The following HSPG2 variants were observed in gnomAD, a reference collection of about 807,000 sequenced individuals.
The protein encoded by HSPG2 is basement membrane-specific heparan sulfate proteoglycan core protein.
HSPG2 carries 278 observed loss-of-function variants against 526.6 expected under a neutral mutation model. The observed-to-expected ratio is 0.53, with a 90% CI of 0.48 to 0.58. The LOEUF (loss-of-function observed/expected upper bound fraction) is 0.58, where lower values mean the gene tolerates loss of function less well. Among genes scored for constraint, HSPG2 ranks in the 20% least tolerant of loss-of-function variants. The probability of loss-of-function intolerance (pLI) is 0.00; values close to 1 mark genes in which losing one functional copy is unlikely to be tolerated. For synonymous variants in HSPG2, 2,465 were observed against 2,555.4 expected, an observed-to-expected ratio of 0.96 and a Z score of 1.07; for missense variants, 5,354 against 6,099.5, an observed-to-expected ratio of 0.88 and a Z score of 4.07.
At chr1:21,861,010 G>A (rs538541514) in intron 39 of HSPG2, among the ~76,000 whole-genome samples, 4 of 152,298 alleles carry the variant, frequency 2.6e-5, no homozygotes, top group African/African-American at 9.6e-5. Flanking sequence ...CAAGAGGATG[G>A]GACTTCTCGT....
At chr1:21,934,517 C>A (rs1199684371) in intron 1 of HSPG2, among the ~76,000 whole-genome samples, 1 of 152,152 alleles carries the variant, frequency 6.6e-6, no homozygotes, top group African/African-American at 2.4e-5. Context: ...GCCTGTCATC[C>A]CAACACTTTA....
At position 21,927,196 on chromosome 1, in the gene HSPG2, C is replaced by T. The variant is rs189538064; in HGVS notation, c.63+9959G>A. 1.2e-3 allele frequency among the ~76,000 whole-genome samples: 190 copies of T among 152,266 alleles called. 2 individuals are homozygous for T. Among genetic ancestry groups the T allele is most frequent in the Admixed American group, 0.012 (188 of 15,300 alleles). On this transcript the variant is annotated intron_variant, in intron 1 of 96. Coordinates refer to ENST00000374695, the MANE Select transcript of HSPG2 (RefSeq NM_005529.7). ...CCCAGCCAGGCCTCCCCTTCCCCACCGACTGGGATGGGAGAAAGATGGGGA... is the reference window on the plus strand; with the variant it reads ...CCCAGCCAGGCCTCCCCTTCCCCACTGACTGGGATGGGAGAAAGATGGGGA...
intron 62 of HSPG2, 88 bp from the exon 63 acceptor site, chr1:21,846,687 C>T (rs1377542500): frequency 2.1e-6 from 3 of 1,445,490 alleles, no homozygotes; most frequent in Non-Finnish European, 2.9e-6. Context: ...GAAAATCTCA[C>T]CCCCCAGAGT....
chr1:21,930,757 G>A (rs1409491306), intron 1 of HSPG2, among the ~76,000 whole-genome samples: 1 of 147,886 alleles, frequency 6.8e-6, no homozygotes, highest in Non-Finnish European at 1.5e-5. Context: ...CTGGGTAACA[G>A]ATCAAGACTC....
At chr1:21,924,762 T>C (rs1458604150) in intron 1 of HSPG2, among the ~76,000 whole-genome samples, 1 of 152,112 alleles carries the variant, frequency 6.6e-6, no homozygotes, top group East Asian at 1.9e-4. Flanking sequence ...GCGAGTGTCT[T>C]CCTGCTCTTG....
chr1:21,875,214 G>A (rs1310927865), intron 25 of HSPG2: 1 of 624,336 alleles, frequency 1.6e-6, no homozygotes, highest in East Asian at 2.7e-5. Context: ...CACCTGGAGA[G>A]GTTATACCAC....
intron 1 of HSPG2, among the ~76,000 whole-genome samples, chr1:21,920,324 C>T (rs1484011605): frequency 6.6e-6 from 1 of 152,224 alleles, no homozygotes; most frequent in Non-Finnish European, 1.5e-5. Context: ...GCCAAGTCAC[C>T]CTTCTCATGC....
At chr1:21,843,489 GC>G in intron 65 of HSPG2, 51 bp from the exon 66 acceptor site, 1 of 1,575,850 alleles carries the variant, frequency 6.3e-7, no homozygotes, top group South Asian at 1.1e-5. Context: ...GCCTTCAGAT[GC>G]CCAGGCCTCT....
At position 21,855,662 on chromosome 1, in the gene HSPG2, G is replaced by A. The variant is rs760895767; in HGVS notation, c.5715C>T (p.Gly1905=). Reference sequence around the variant, plus strand: ...GGATTTGTGCCTTCGCAGGGAGCTGGCCGCCGGGGCCCCCTGACGAGTAGA... The same window carrying A: ...GGATTTGTGCCTTCGCAGGGAGCTGACCGCCGGGGCCCCCTGACGAGTAGA... ...PTLEWTGGPG[G]QLPAKAQIHG... Residue 1905 remains glycine (G), a synonymous_variant, in exon 46 of 97, where the codon GGC becomes GGT. Transcript: ENST00000374695. 6.4e-7 allele frequency: 1 copy of A among 1,574,280 alleles called. No individual in the cohort carries two copies. The highest frequency in any genetic ancestry group is 8.6e-7 in the Non-Finnish European group (1 of 1,162,836).
chr1:21,839,303 TG>T lies in HSPG2; in HGVS notation c.9889+67del. On this transcript the variant is annotated intron_variant, in intron 73 of 96. Transcript: ENST00000374695. The surrounding 1 kb of genome is among the most constrained non-coding windows in gnomAD (Gnocchi z 4.5). ...TGGATGGGGTTCCTGGGGTTCTGTG[TG>T]GGGTGGAGCCTAGTCGGGGGGCTCA... 1 of 1,563,066 alleles carries T rather than the reference TG, an allele frequency of 6.4e-7. No homozygotes were observed. Among genetic ancestry groups the T allele is most frequent in the Non-Finnish European group, 8.7e-7 (1 of 1,145,458 alleles).
chr1:21,885,183 G>A, intron 10 of HSPG2, 26 bp from the exon 11 acceptor site: 2 of 1,601,618 alleles, frequency 1.2e-6, no homozygotes, highest in South Asian at 1.1e-5. Context: ...CAGGAGTGAG[G>A]GGTCGGGGGC....
Position 21,875,627 on chromosome 1 carries a change from A to T in HSPG2, c.3302+2T>A. 6.2e-7 allele frequency: 1 copy of T among 1,600,076 alleles called. No individual in the cohort carries two copies. Among genetic ancestry groups the T allele is most frequent in the South Asian group, 1.1e-5 (1 of 91,070 alleles). ...TGGTCCTCCTGCCCCGGCTCCAGAC[A>T]CCTGCTCTCAGCGGGCTGCTGGGCG... On this transcript the variant is annotated splice_donor_variant, in intron 25 of 96. Coordinates refer to ENST00000374695, the MANE Select transcript of HSPG2 (RefSeq NM_005529.7). LOFTEE classifies it high-confidence loss of function.
chr1:21,896,471 C>G (rs1047761079), intron 1 of HSPG2, among the ~76,000 whole-genome samples, 161 bp from the exon 2 acceptor site: 2 of 152,192 alleles, frequency 1.3e-5, no homozygotes, highest in African/African-American at 4.8e-5. Context: ...GGGCTGAACC[C>G]TTTTGATTCA....
At position 21,823,568 on chromosome 1, in the gene HSPG2, A is replaced by AG. The variant is rs778048637; in HGVS notation, c.13003+47dup. 3.1e-6 allele frequency: 5 copies of AG among 1,609,768 alleles called. No individual in the cohort carries two copies. The East Asian group carries it at 1.1e-4, about 36-fold the overall frequency. On this transcript the variant is annotated intron_variant, in intron 96 of 96. Transcript: ENST00000374695. Reference sequence around the variant, plus strand: ...GAAGGCTGGGCGAGCTCTAGCCCTAAGGGAGTGCCGTTCCTGCCCCTGCCC... The same window carrying AG: ...GAAGGCTGGGCGAGCTCTAGCCCTAAGGGGAGTGCCGTTCCTGCCCCTGCCC...
At position 21,935,625 on chromosome 1, in the gene HSPG2, C is replaced by T. The variant is rs377706801; in HGVS notation, c.63+1530G>A. 5.9e-5 allele frequency among the ~76,000 whole-genome samples: 9 copies of T among 152,348 alleles called. 1 individual carries two copies. The highest frequency in any genetic ancestry group is 2.2e-4 in the African/African-American group (9 of 41,572). ...GGAATGTCTGTGGAAATTCCTCATGCACACAGCAAACAACTCCACCCACCG... is the reference window on the plus strand; with the variant it reads ...GGAATGTCTGTGGAAATTCCTCATGTACACAGCAAACAACTCCACCCACCG... On this transcript the variant is annotated intron_variant, in intron 1 of 96. Coordinates refer to ENST00000374695, the MANE Select transcript of HSPG2 (RefSeq NM_005529.7).
At position 21,890,711 on chromosome 1, in the gene HSPG2, G is replaced by A; in HGVS notation, c.245-17C>T. ...GGAAATAAACTGGAAAATCGAAGGA[G>A]GATCATTTTGAGAGCCCCAGCCTGG... On this transcript the variant is annotated splice_polypyrimidine_tract_variant and intron_variant, in intron 3 of 96. Coordinates refer to ENST00000374695, the MANE Select transcript of HSPG2 (RefSeq NM_005529.7). The surrounding 1 kb of genome is among the most constrained non-coding windows in gnomAD (Gnocchi z 4.1). 2 of 1,589,228 alleles carry A rather than the reference G, an allele frequency of 1.3e-6. No individual in the cohort carries two copies. The highest frequency in any genetic ancestry group is 1.3e-5 in the African/African-American group (1 of 74,576).
chr1:21,861,185 A>G (rs369034711), intron 39 of HSPG2, among the ~76,000 whole-genome samples: 109 of 152,344 alleles, frequency 7.2e-4, no homozygotes, highest in Middle Eastern at 3.4e-3. Context: ...TGTTCACTCC[A>G]TTATCTCCAA....
rs535153644 is a variant in HSPG2, at chr1:21,873,714, C to T, written c.3743+211G>A. Among the ~76,000 whole-genome samples, 21 of 152,250 alleles carry T rather than the reference C, an allele frequency of 1.4e-4. No individual in the cohort carries two copies. In the East Asian group the frequency reaches 3.1e-3, roughly 22 times the overall value. ...GGGGGCCAGGGGGCTGAAGGTGAACCGCAGGCTAGGATGTGTGTCTGAGGG... is the reference window on the plus strand; with the variant it reads ...GGGGGCCAGGGGGCTGAAGGTGAACTGCAGGCTAGGATGTGTGTCTGAGGG... On this transcript the variant is annotated intron_variant, in intron 29 of 96. Coordinates refer to ENST00000374695, the MANE Select transcript of HSPG2 (RefSeq NM_005529.7).
rs1214517245 is a variant in HSPG2 at position 21,848,277 on chromosome 1, G to A, written c.7738-184C>T. Among the ~76,000 whole-genome samples, 1 of 152,156 alleles carries A rather than the reference G, an allele frequency of 6.6e-6. No homozygotes were observed. The highest frequency in any genetic ancestry group is 1.5e-5 in the Non-Finnish European group (1 of 68,034). ...GGCTGGGGTGGACGTCTAGCCTTTT[G>A]TCACCCCTCCAGAAAGCCTGTTAAG... On this transcript the variant is annotated intron_variant, in intron 59 of 96. Coordinates refer to ENST00000374695, the MANE Select transcript of HSPG2 (RefSeq NM_005529.7). The surrounding 1 kb of genome is among the most constrained non-coding windows in gnomAD (Gnocchi z 4.9).
Sources: gnomAD v4.1 joint callset for allele counts (sites outside exome capture counted in the v4.1 genomes callset) on GRCh38, gnomAD v4.1.1 for gene constraint, Gnocchi (gnomAD v3.1) non-coding constraint, MANE v1.5 for transcripts, NCBI Gene and HGNC (gene_info 2026-07-23, HGNC 2026-07-21) for gene names.